The following SGK1 variants were observed in gnomAD, a reference collection of about 807,000 sequenced individuals.
SGK1 encodes the protein serum/glucocorticoid regulated kinase 1.
A neutral mutation model predicts 64.2 loss-of-function variants in SGK1; 26 were observed. The ratio of observed to expected loss-of-function variants is 0.40; its 90% confidence interval spans 0.30 to 0.56. The LOEUF (loss-of-function observed/expected upper bound fraction) is 0.56, where lower values mean the gene tolerates loss of function less well. SGK1 is among the 20% of genes least tolerant of loss of function. The pLI is 0.38. For missense variants in SGK1, 519 were observed against 645.6 expected (o/e 0.80, Z 2.12); for synonymous variants, 265 against 239.7 (o/e 1.11, Z -0.98).
chr6:134,193,449 C>T (rs1401660094), intron 3 of SGK1, among the ~76,000 whole-genome samples: 1 of 151,974 alleles, frequency 6.6e-6, no homozygotes. Context: ...AATAAATTCC[C>T]GGTCTTGCCC....
At chr6:134,241,105 A>C (rs1447667401) in intron 2 of SGK1, among the ~76,000 whole-genome samples, 1 of 143,258 alleles carries the variant, frequency 7.0e-6, no homozygotes, top group Non-Finnish European at 1.5e-5. Context: ...ACTGGAGTGC[A>C]GTGGCATGAT....
At chr6:134,177,815 GATGAC>G (rs775507839) in intron 3 of SGK1, 11 of 1,612,630 alleles carry the variant, frequency 6.8e-6, no homozygotes, top group Non-Finnish European at 9.3e-6. Context: ...GGAACTCTGA[GATGAC>G]ATGAGAGCAC....
chr6:134,255,775 G>C (rs1172662304), intron 2 of SGK1, among the ~76,000 whole-genome samples: 1 of 151,744 alleles, frequency 6.6e-6, no homozygotes, highest in Non-Finnish European at 1.5e-5. Flanking sequence ...AGTAGAGACA[G>C]GGTTTCACCA....
intron 1 of SGK1, among the ~76,000 whole-genome samples, chr6:134,286,581 C>T (rs1777187639): frequency 6.6e-6 from 1 of 151,668 alleles, no homozygotes; most frequent in African/African-American, 2.4e-5. Context: ...ATTCTCCTGC[C>T]TCAGCCTCCA....
chr6:134,276,509 A>AATT (rs916913443), intron 1 of SGK1, among the ~76,000 whole-genome samples: 12 of 152,214 alleles, frequency 7.9e-5, no homozygotes, highest in African/African-American at 2.9e-4. Context: ...ACATCAAATG[A>AATT]CTTGAATGTT....
intron 1 of SGK1, among the ~76,000 whole-genome samples, chr6:134,284,062 C>A (rs1777141899): frequency 6.6e-6 from 1 of 151,804 alleles, no homozygotes; most frequent in Admixed American, 6.6e-5. Flanking sequence ...CAGTGCCAAT[C>A]CATTCCTTTA....
At chr6:134,243,282 G>T (rs1776475285) in intron 2 of SGK1, among the ~76,000 whole-genome samples, 2 of 152,082 alleles carry the variant, frequency 1.3e-5, no homozygotes, top group South Asian at 4.1e-4. Flanking sequence ...AATGGTGAAA[G>T]TATAATGGGG....
chr6:134,266,194 A>C (rs1003577718), intron 1 of SGK1, among the ~76,000 whole-genome samples: 2 of 151,662 alleles, frequency 1.3e-5, no homozygotes, highest in African/African-American at 2.4e-5. Context: ...TATGTTGGCC[A>C]GGCCGGTCTT....
At chr6:134,190,012 G>A (rs1775483458) in intron 3 of SGK1, among the ~76,000 whole-genome samples, 1 of 151,972 alleles carries the variant, frequency 6.6e-6, no homozygotes, top group Non-Finnish European at 1.5e-5. Context: ...ACCATGCCCG[G>A]CTAATTTTTG....
At chr6:134,265,780 A>G (rs943055142) in intron 1 of SGK1, among the ~76,000 whole-genome samples, 3 of 150,428 alleles carry the variant, frequency 2.0e-5, no homozygotes, top group African/African-American at 4.9e-5. Context: ...ATAATATTTT[A>G]TCAGAATCAT....
intron 3 of SGK1, chr6:134,177,556 C>T (rs1293062427): frequency 3.6e-6 from 3 of 825,128 alleles, no homozygotes; most frequent in Non-Finnish European, 5.9e-6. Context: ...ATTAAGAAAC[C>T]TACAACCAGA....
chr6:134,236,685 C>T (rs557508897), intron 2 of SGK1, among the ~76,000 whole-genome samples: 1 of 152,154 alleles, frequency 6.6e-6, no homozygotes, highest in East Asian at 1.9e-4. Context: ...CCACACACAA[C>T]CATTAAGGGA....
intron 6 of SGK1, 27 bp downstream of exon 6, chr6:134,173,435 C>G (rs1186597409): frequency 6.3e-7 from 1 of 1,586,270 alleles, no homozygotes; most frequent in Non-Finnish European, 8.6e-7. Flanking sequence ...AGGAAGTGTA[C>G]CAAAAGATCT....
chr6:134,199,132 A>T (rs1047047118), intron 3 of SGK1, among the ~76,000 whole-genome samples: 1 of 152,176 alleles, frequency 6.6e-6, no homozygotes, highest in Non-Finnish European at 1.5e-5. Context: ...CAAAGACGGA[A>T]ACAACAGACA....
intron 3 of SGK1, among the ~76,000 whole-genome samples, chr6:134,207,105 A>G (rs559132785): frequency 2.8e-4 from 42 of 152,050 alleles, no homozygotes; most frequent in Non-Finnish European, 5.4e-4. Flanking sequence ...GGGCGCCTAC[A>G]GTCCCAGCTA....
At chr6:134,309,530 T>A (rs1468030949) in intron 1 of SGK1, among the ~76,000 whole-genome samples, 1 of 152,194 alleles carries the variant, frequency 6.6e-6, no homozygotes, top group East Asian at 1.9e-4. Flanking sequence ...GCTGCTGTCC[T>A]CATTTCTGGG....
At chr6:134,258,669 C>T (rs1310254899) in intron 2 of SGK1, among the ~76,000 whole-genome samples, 7 of 152,144 alleles carry the variant, frequency 4.6e-5, no homozygotes, top group Non-Finnish European at 7.3e-5. Flanking sequence ...CGCGCCACTG[C>T]GCTTTCCAGC....
chr6:134,206,356 TATATATATATATATATATATATA>T lies in SGK1; in HGVS notation c.361+977_361+999del, dbSNP rs1210878078. Among the ~76,000 whole-genome samples, 6 of 8,262 alleles carry T rather than the reference TATATATATATATATATATATATA, an allele frequency of 7.3e-4. 1 individual carries two copies. In the South Asian group the frequency reaches 0.021, roughly 29 times the overall value. 5.4% of individuals were successfully genotyped at this position (8,262 alleles called of 152,430 possible). ...ACCTGATGATATATATATATATATA[TATATATATATATATATATATATA>T]TATATTTTTTTTTTTTTTTTTTTTT... On this transcript the variant is annotated intron_variant, in intron 3 of 13. Transcript: ENST00000367858.
intron 1 of SGK1, among the ~76,000 whole-genome samples, chr6:134,273,833 T>A (rs2114762519): frequency 6.6e-6 from 1 of 151,930 alleles, no homozygotes; most frequent in South Asian, 2.1e-4. Flanking sequence ...ATTTATTTAC[T>A]TACTATTTAG....
Sources: gnomAD v4.1 joint callset for allele counts (sites outside exome capture counted in the v4.1 genomes callset) on GRCh38, gnomAD v4.1.1 for gene constraint, MANE v1.5 for transcripts, NCBI Gene and HGNC (gene_info 2026-07-23, HGNC 2026-07-21) for gene names.